The following PCDHGA6 variants were observed in gnomAD, a reference collection of about 807,000 sequenced individuals.
PCDHGA6 encodes protocadherin gamma-A6.
In PCDHGA6, 41 loss-of-function variants were observed where a neutral mutation model predicts 60.6. The observed-to-expected ratio is 0.68, with a 90% CI of 0.53 to 0.88. The LOEUF (loss-of-function observed/expected upper bound fraction) is 0.88, where lower values mean the gene tolerates loss of function less well. PCDHGA6 is among the 40% of genes least tolerant of loss of function. The pLI, the probability that PCDHGA6 is intolerant of heterozygous loss-of-function variation, is 0.00. For missense variants in PCDHGA6, 1,312 were observed against 1,203.0 expected (o/e 1.09, Z -1.34); for synonymous variants, 594 against 524.4 (o/e 1.13, Z -1.81).
intron 3 of PCDHGA6, 90 bp from the exon 4 acceptor site, chr5:141,510,857 A>G (rs1184962556): frequency 6.2e-7 from 1 of 1,605,538 alleles, no homozygotes; most frequent in Non-Finnish European, 8.5e-7. Flanking sequence ...AGGGTGCTGT[A>G]TAGGCATTCA....
At chr5:141,376,675 C>CCTTTTTTTT (rs1561575046) in intron 1 of PCDHGA6, 168 bp downstream of exon 1, 1 of 343,980 alleles carries the variant, frequency 2.9e-6, no homozygotes. Context: ...GTGAGGGTAT[C>CCTTTTTTTT]GTTTTTTTTT....
In PCDHGA6 at chr5:141,431,243, A is replaced by G; in HGVS notation, c.2424+54736A>G. 1 of 1,614,154 alleles carries G rather than the reference A, an allele frequency of 6.2e-7. No homozygotes were observed. Among genetic ancestry groups the G allele is most frequent in the Non-Finnish European group, 8.5e-7 (1 of 1,180,034 alleles). ...TCTACCCCACGCCTGGGATCCGGAT[A>G]TCGGGAAGAACTCTCTGCAGAGCTA... On this transcript the variant is annotated intron_variant, in intron 1 of 3. Coordinates refer to ENST00000517434, the MANE Select transcript of PCDHGA6 (RefSeq NM_018919.3). This position sits in a 1 kb window ranked among gnomAD's most constrained non-coding sequence, Gnocchi z 4.8.
intron 1 of PCDHGA6, chr5:141,389,202 A>G (rs2091644944): frequency 6.2e-6 from 10 of 1,613,852 alleles, no homozygotes; most frequent in Non-Finnish European, 8.5e-6. Context: ...CACCCTGCAC[A>G]TTGGTGATGT....
At chr5:141,420,006 G>T in intron 1 of PCDHGA6, 1 of 1,614,052 alleles carries the variant, frequency 6.2e-7, no homozygotes, top group Non-Finnish European at 8.5e-7. Flanking sequence ...CTACGCCTGC[G>T]ACAGTCTTTC....
intron 1 of PCDHGA6, chr5:141,392,764 C>G: frequency 6.8e-7 from 1 of 1,480,722 alleles, no homozygotes; most frequent in Non-Finnish European, 9.0e-7. Flanking sequence ...CTAAATAAGA[C>G]CCATTTATGC....
rs1480045739 is a variant in PCDHGA6 at position 141,374,608 on chromosome 5, T to C, written c.525T>C (p.Asn175=). The C allele has an allele frequency of 6.2e-7, 1 of 1,613,484 alleles. No homozygotes were observed. Among genetic ancestry groups the C allele is most frequent in the African/African-American group, 1.3e-5 (1 of 74,938 alleles). The change falls in exon 1 of 4, where the codon AAT becomes AAC. Residue 175 remains asparagine (N), a synonymous_variant. Coordinates refer to ENST00000517434, the MANE Select transcript of PCDHGA6 (RefSeq NM_018919.3). The stretch of plus-strand genomic sequence containing the variant: ...TTCAGGGATTTAAGCTCAGTGGTAA[T>C]AGTCACTTCTCAGTGGACGTGCAAA... ...NSLQGFKLSG[N]SHFSVDVQSE...
At chr5:141,417,795 T>C in intron 1 of PCDHGA6, 1 of 1,483,780 alleles carries the variant, frequency 6.7e-7, no homozygotes, top group Non-Finnish European at 9.0e-7. Context: ...AATGCTCTTT[T>C]AGCGCGGTAG....
chr5:141,374,152 G>T lies in PCDHGA6; in HGVS notation c.69G>T (p.Leu23=), dbSNP rs1190094932. Residue 23 remains leucine, a synonymous_variant, in exon 1 of 4, where the codon CTG becomes CTT. Transcript: ENST00000517434. ...TGCTCCTCACGCTCCTGGGGACGCT[G>T]TGGGGGGCCGCGGCAGCGCAGATCC... is the stretch of plus-strand genomic sequence containing the variant. The part of the protein sequence containing the change: ...QVLLLTLLGT[L]WGAAAAQIRY... 1 of 1,612,132 alleles carries T rather than the reference G, an allele frequency of 6.2e-7. No individual in the cohort carries two copies.
At chr5:141,501,036 T>C (rs893597004) in intron 2 of PCDHGA6, among the ~76,000 whole-genome samples, 4 of 151,702 alleles carry the variant, frequency 2.6e-5, no homozygotes, top group Non-Finnish European at 4.4e-5. Flanking sequence ...GCCCAGCTAA[T>C]TTTTGTATTT....
chr5:141,481,619 A>T (rs1303171847), intron 1 of PCDHGA6, among the ~76,000 whole-genome samples: 1 of 152,128 alleles, frequency 6.6e-6, no homozygotes, highest in Non-Finnish European at 1.5e-5. Flanking sequence ...GGAGTTCAAG[A>T]CCGGCCTGGC....
intron 1 of PCDHGA6, chr5:141,400,586 A>G (rs963844263): frequency 6.2e-7 from 1 of 1,607,730 alleles, no homozygotes; most frequent in Non-Finnish European, 8.5e-7. Context: ...TTTACATGAA[A>G]CTATCGTACA....
intron 1 of PCDHGA6, among the ~76,000 whole-genome samples, chr5:141,448,784 C>CAA (rs576464275): frequency 4.8e-5 from 7 of 145,806 alleles, no homozygotes; most frequent in East Asian, 2.0e-4. Context: ...ACTAAAAATA[C>CAA]AAAAAAAAAA....
chr5:141,443,235 C>G (rs1182428300), intron 1 of PCDHGA6, among the ~76,000 whole-genome samples: 2 of 151,642 alleles, frequency 1.3e-5, no homozygotes, highest in East Asian at 1.9e-4. Flanking sequence ...AATCTTAGCA[C>G]TTTGGGGCGC....
intron 1 of PCDHGA6, chr5:141,385,463 T>A: frequency 6.9e-7 from 1 of 1,443,350 alleles, no homozygotes; most frequent in Non-Finnish European, 9.1e-7. Flanking sequence ...TTTCCTTCAG[T>A]GGTGACACTT....
In PCDHGA6 at chr5:141,447,883, C is replaced by T. The variant is rs184337553; in HGVS notation, c.2425-46924C>T. Among the ~76,000 whole-genome samples the T allele has an allele frequency of 3.9e-3, 599 of 152,000 alleles. 3 individuals are homozygous for T. The highest frequency in any genetic ancestry group is 0.014 in the African/African-American group (563 of 41,452). ...GGTGAATCATCTGAGGTCAGGAGTT[C>T]GAGACCAGCCTGGCCAACATGGTGA... On this transcript the variant is annotated intron_variant, in intron 1 of 3. Coordinates refer to ENST00000517434, the MANE Select transcript of PCDHGA6 (RefSeq NM_018919.3).
intron 1 of PCDHGA6, chr5:141,408,837 T>A: frequency 6.2e-7 from 1 of 1,613,716 alleles, no homozygotes; most frequent in Non-Finnish European, 8.5e-7. Flanking sequence ...AGCTTGATAT[T>A]GACTGCCTTG....
chr5:141,432,946 A>G lies in PCDHGA6; in HGVS notation c.2424+56439A>G. 2 of 1,614,130 alleles carry G rather than the reference A, an allele frequency of 1.2e-6. No individual in the cohort carries two copies. The highest frequency in any genetic ancestry group is 1.1e-5 in the South Asian group (1 of 91,080). ...AGTCACGCCTGCTGCAGGCTTCAGG[A>G]GGCGGCTTGACAGGAGCGCCGGCGT... is the stretch of plus-strand genomic sequence containing the variant. On this transcript the variant is annotated intron_variant, in intron 1 of 3. Coordinates refer to ENST00000517434, the MANE Select transcript of PCDHGA6 (RefSeq NM_018919.3). This position sits in a 1 kb window ranked among gnomAD's most constrained non-coding sequence, Gnocchi z 6.0.
chr5:141,447,119 A>AT (rs2098526425), intron 1 of PCDHGA6, among the ~76,000 whole-genome samples: 1 of 150,848 alleles, frequency 6.6e-6, no homozygotes, highest in South Asian at 2.1e-4. Flanking sequence ...TGCTCCATGG[A>AT]TTTTTTTGTT....
Position 141,431,461 on chromosome 5 carries a change from T to C in PCDHGA6, c.2424+54954T>C, listed in dbSNP as rs1477501293. 1 of 1,613,800 alleles carries C rather than the reference T, an allele frequency of 6.2e-7. No individual in the cohort carries two copies. Among genetic ancestry groups the C allele is most frequent in the Admixed American group, 1.7e-5 (1 of 60,032 alleles). ...CGCGCATCCGCGTGATGGTTCTGGA[T>C]GCGAACGACAACGCACCAGCGTTTG... On this transcript the variant is annotated intron_variant, in intron 1 of 3. Transcript: ENST00000517434. The surrounding 1 kb of genome is among the most constrained non-coding windows in gnomAD (Gnocchi z 4.8).
Sources: gnomAD v4.1 joint callset for allele counts (sites outside exome capture counted in the v4.1 genomes callset) on GRCh38, gnomAD v4.1.1 for gene constraint, Gnocchi (gnomAD v3.1) non-coding constraint, MANE v1.5 for transcripts, NCBI Gene and HGNC (gene_info 2026-07-23, HGNC 2026-07-21) for gene names.